MND1: variants seen among roughly 807,000 people sequenced by gnomAD.
MND1 encodes the protein meiotic nuclear divisions 1.
A neutral mutation model predicts 35.1 loss-of-function variants in MND1; 28 were observed. The observed-to-expected ratio is 0.80, with a 90% CI of 0.59 to 1.09. The LOEUF is 1.09. Ranked by LOEUF, MND1 falls within the 50% of genes least tolerant of loss-of-function variation. MND1 has a pLI of 0.00. For synonymous variants in MND1, 69 were observed against 70.5 expected (o/e 0.98, Z 0.11); for missense variants, 213 against 239.6 (o/e 0.89, Z 0.73).
At chr4:153,362,236 G>T (rs1411820747) in intron 4 of MND1, among the ~76,000 whole-genome samples, 1 of 152,088 alleles carries the variant, frequency 6.6e-6, no homozygotes, top group East Asian at 1.9e-4. Flanking sequence ...ATATGGCTTG[G>T]ATCTGTGTCC....
chr4:153,409,702 T>A (rs988397690), intron 7 of MND1, among the ~76,000 whole-genome samples: 21 of 152,180 alleles, frequency 1.4e-4, no homozygotes, highest in African/African-American at 4.8e-4. Flanking sequence ...TATAATAATT[T>A]TTTTTCCTAC....
At chr4:153,382,986 G>GA (rs762152915) in intron 4 of MND1, among the ~76,000 whole-genome samples, 33 of 151,798 alleles carry the variant, frequency 2.2e-4, no homozygotes, top group Middle Eastern at 6.8e-3. Flanking sequence ...AATGCTCTTG[G>GA]AAAAAAAATA....
intron 4 of MND1, among the ~76,000 whole-genome samples, chr4:153,362,773 G>A (rs1350692153): frequency 6.6e-6 from 1 of 152,062 alleles, no homozygotes; most frequent in Non-Finnish European, 1.5e-5. Context: ...AATTGGTGAT[G>A]TTTAGTCTGT....
chr4:153,393,579 G>A (rs28552631), intron 4 of MND1, among the ~76,000 whole-genome samples: 28,110 of 151,526 alleles, frequency 0.19, 2,768 homozygotes, highest in African/African-American at 0.24. Context: ...GGGTTTTGCC[G>A]TGTTGCCCAG....
intron 4 of MND1, chr4:153,382,144 CA>C (rs1728728977): frequency 6.6e-6 from 1 of 152,114 alleles, no homozygotes; most frequent in Non-Finnish European, 1.5e-5. Context: ...CATTCAGATA[CA>C]GGGCCTTGTT....
intron 4 of MND1, among the ~76,000 whole-genome samples, chr4:153,363,698 G>A (rs1773555258): frequency 6.6e-6 from 1 of 152,174 alleles, no homozygotes; most frequent in Non-Finnish European, 1.5e-5. Flanking sequence ...ATGTCTTATA[G>A]GTTCCTCTGT....
At chr4:153,368,614 A>C (rs996335812) in intron 4 of MND1, among the ~76,000 whole-genome samples, 13 of 152,214 alleles carry the variant, frequency 8.5e-5, no homozygotes, top group African/African-American at 3.1e-4. Flanking sequence ...TGAGATAAAA[A>C]GCATAAGGAT....
intron 6 of MND1, among the ~76,000 whole-genome samples, chr4:153,403,391 T>G (rs1729397163): frequency 6.6e-6 from 1 of 152,166 alleles, no homozygotes; most frequent in South Asian, 2.1e-4. Flanking sequence ...GCTGAGCCCT[T>G]TGGAAAAGAG....
intron 6 of MND1, among the ~76,000 whole-genome samples, chr4:153,406,778 C>G (rs1258159795): frequency 6.6e-6 from 1 of 152,188 alleles, no homozygotes; most frequent in Non-Finnish European, 1.5e-5. Flanking sequence ...TACTACTTCA[C>G]ACTTCTATTA....
chr4:153,405,877 T>C (rs1729492621), intron 6 of MND1, among the ~76,000 whole-genome samples: 1 of 152,134 alleles, frequency 6.6e-6, no homozygotes, highest in Non-Finnish European at 1.5e-5. Context: ...TGATCTTGGC[T>C]CACTGCAGGC....
At chr4:153,384,415 G>A (rs986380914) in intron 4 of MND1, among the ~76,000 whole-genome samples, 2 of 137,748 alleles carry the variant, frequency 1.5e-5, no homozygotes, top group Non-Finnish European at 3.1e-5. Context: ...GACTACAGGT[G>A]CATGCCACCA....
At chr4:153,359,857 A>G (rs1319824120) in intron 4 of MND1, among the ~76,000 whole-genome samples, 1 of 139,582 alleles carries the variant, frequency 7.2e-6, no homozygotes, top group African/African-American at 2.7e-5. Context: ...GTGCGATCTC[A>G]GCTCACTGTA....
chr4:153,359,918 G>A (rs1773439825), intron 4 of MND1, among the ~76,000 whole-genome samples: 1 of 151,192 alleles, frequency 6.6e-6, no homozygotes, highest in African/African-American at 2.4e-5. Flanking sequence ...CTTCCAAGTA[G>A]CTGGGGTTAC....
chr4:153,393,048 G>A (rs1362292387), intron 4 of MND1, among the ~76,000 whole-genome samples: 1 of 152,136 alleles, frequency 6.6e-6, no homozygotes, highest in African/African-American at 2.4e-5. Flanking sequence ...GAGCCTGGGA[G>A]GCAAAAGTTG....
At chr4:153,361,579 C>G in intron 4 of MND1, 1 of 455,750 alleles carries the variant, frequency 2.2e-6, no homozygotes, top group Middle Eastern at 3.7e-4. Context: ...GTGGCTCACG[C>G]CTGTAATCCC....
chr4:153,409,370 C>CTAATAATAATAATAATAA (rs58903970), intron 7 of MND1, among the ~76,000 whole-genome samples: 8,959 of 149,322 alleles, frequency 0.06, 323 homozygotes, highest in East Asian at 0.099. Context: ...TATCATCTTG[C>CTAATAATAATAATAATAA]TAATAATAAT....
intron 2 of MND1, among the ~76,000 whole-genome samples, chr4:153,351,908 G>A (rs887363742): frequency 1.5e-4 from 23 of 152,100 alleles, no homozygotes; most frequent in Non-Finnish European, 3.1e-4. Context: ...GGGGGATTTT[G>A]TTTTACACTC....
chr4:153,410,607 G>T (rs530927711), intron 7 of MND1, among the ~76,000 whole-genome samples: 1 of 152,216 alleles, frequency 6.6e-6, no homozygotes, highest in Admixed American at 6.5e-5. Flanking sequence ...TAATGAAATT[G>T]CAGTCTTACT....
At chr4:153,376,433 C>G (rs1035689889) in intron 4 of MND1, among the ~76,000 whole-genome samples, 1 of 152,162 alleles carries the variant, frequency 6.6e-6, no homozygotes, top group Non-Finnish European at 1.5e-5. Flanking sequence ...CTTCTTTGCC[C>G]TTCCCAAATA....
Sources: gnomAD v4.1 joint callset for allele counts (sites outside exome capture counted in the v4.1 genomes callset) on GRCh38, gnomAD v4.1.1 for gene constraint, MANE v1.5 for transcripts, NCBI Gene and HGNC (gene_info 2026-07-23, HGNC 2026-07-21) for gene names.